IQCE: variants seen among roughly 807,000 people sequenced by gnomAD.
IQCE encodes IQ motif containing E.
IQCE carries 115 observed loss-of-function variants against 96.0 expected under a neutral mutation model. The observed-to-expected ratio is 1.20, with a 90% confidence interval of 1.03 to 1.40. The LOEUF (loss-of-function observed/expected upper bound fraction) is 1.40. IQCE is among the 40% of genes most tolerant of loss of function. The pLI is 0.00. For synonymous variants in IQCE, 412 were observed against 371.2 expected (o/e 1.11, Z -1.26); for missense variants, 1,041 against 909.1 (o/e 1.15, Z -1.87).
intron 14 of IQCE, among the ~76,000 whole-genome samples, chr7:2,590,341 G>T (rs371346004): frequency 6.6e-6 from 1 of 152,268 alleles, no homozygotes; most frequent in African/African-American, 2.4e-5. Context: ...TATGGAAACT[G>T]ATTGTTGCCG....
At chr7:2,603,603 T>C (rs1784587552) in intron 18 of IQCE, among the ~76,000 whole-genome samples, 1 of 152,214 alleles carries the variant, frequency 6.6e-6, no homozygotes, top group Admixed American at 6.5e-5. Context: ...GTGACGGAGA[T>C]GCGTGCCCCT....
At chr7:2,565,097 CGTGTGT>C (rs200266385) in intron 1 of IQCE, among the ~76,000 whole-genome samples, 1 of 148,010 alleles carries the variant, frequency 6.8e-6, no homozygotes, top group Non-Finnish European at 1.5e-5. Context: ...CGTGTGTGTG[CGTGTGT>C]GTGTGTGAGT....
At chr7:2,581,657 A>G (rs1488262315) in intron 8 of IQCE, among the ~76,000 whole-genome samples, 1 of 152,214 alleles carries the variant, frequency 6.6e-6, no homozygotes, top group East Asian at 1.9e-4. Context: ...TCTGGGCAAC[A>G]TAGTGAAACC....
In IQCE at chr7:2,587,882, G is replaced by A; in HGVS notation, c.1044+5G>A. ...CGCATTGTGGAGCTGGAGAAGGTGA[G>A]CGGGCGTCTCAGTGCCACTGTCGTT... On this transcript the variant is annotated splice_donor_5th_base_variant and intron_variant, in intron 13 of 21. Coordinates refer to ENST00000402050, the MANE Select transcript of IQCE (RefSeq NM_152558.5). The A allele has an allele frequency of 1.9e-6, 3 of 1,613,970 alleles. No homozygotes were observed. The highest frequency in any genetic ancestry group is 1.7e-6 in the Non-Finnish European group (2 of 1,179,880).
chr7:2,613,310 C>T lies in IQCE; in HGVS notation c.*3148C>T, dbSNP rs1785178726. 1 of 152,342 alleles carries T rather than the reference C, an allele frequency of 6.6e-6. No individual in the cohort carries two copies. The highest frequency in any genetic ancestry group is 1.5e-5 in the Non-Finnish European group (1 of 68,166). The allele number at this position is 152,342 out of a possible 1,614,324, so 9.4% of individuals were successfully genotyped here. On this transcript the variant is annotated 3_prime_UTR_variant, in exon 22 of 22. Coordinates refer to ENST00000402050, the MANE Select transcript of IQCE (RefSeq NM_152558.5). Reference sequence around the variant, plus strand: ...GTGCTCTCCCCTAGAGGCCTGTCCCCAACTCCTCCCCTAGAGGCCTATTCC... The same window carrying T: ...GTGCTCTCCCCTAGAGGCCTGTCCCTAACTCCTCCCCTAGAGGCCTATTCC...
At chr7:2,577,878 T>C (rs12700086) in intron 6 of IQCE, among the ~76,000 whole-genome samples, 6,010 of 32,090 alleles carry the variant, frequency 0.19, 1,772 homozygotes, top group Non-Finnish European at 0.25. Flanking sequence ...CGGGGACGTG[T>C]GTGCGGCGTG....
chr7:2,604,828 G>T (rs540087894), intron 18 of IQCE, 53 bp from the exon 19 acceptor site: 18 of 1,373,594 alleles, frequency 1.3e-5, no homozygotes, highest in Admixed American at 7.0e-5. Context: ...CTCGCCCGCC[G>T]TTGCCCCGGG....
At chr7:2,605,029 C>A in intron 19 of IQCE, 38 bp downstream of exon 19, 2 of 1,408,524 alleles carry the variant, frequency 1.4e-6, no homozygotes, top group Non-Finnish European at 2.0e-6. Flanking sequence ...TGGCCATCTG[C>A]AGAGCTGCTC....
At position 2,606,000 on chromosome 7, in the gene IQCE, G is replaced by A. The variant is rs375468886; in HGVS notation, c.1865+3G>A. On this transcript the variant is annotated splice_donor_region_variant and intron_variant, in intron 20 of 21. Coordinates refer to ENST00000402050, the MANE Select transcript of IQCE (RefSeq NM_152558.5). ...CACCTGGCCCGGGCCAGGCACAGGTGAGTCAGGGTCACGGGGACGTGGGAC... is the reference window on the plus strand; with the variant it reads ...CACCTGGCCCGGGCCAGGCACAGGTAAGTCAGGGTCACGGGGACGTGGGAC... The A allele has an allele frequency of 5.0e-6, 8 of 1,606,476 alleles. No individual in the cohort carries two copies. The highest frequency in any genetic ancestry group is 6.8e-6 in the Non-Finnish European group (8 of 1,177,456).
Position 2,610,194 on chromosome 7 carries a change from A to T in IQCE, c.*32A>T. 1 of 1,259,290 alleles carries T rather than the reference A, an allele frequency of 7.9e-7. No individual in the cohort carries two copies. Among genetic ancestry groups the T allele is most frequent in the Non-Finnish European group, 1.2e-6 (1 of 855,498 alleles). 78.0% of individuals were successfully genotyped at this position (1,259,290 alleles called of 1,614,324 possible). ...GTCACTGTCTCCACGCCGTGATGGC[A>T]GCGCTGCCGAGGACATAGGAACCAC... is the stretch of plus-strand genomic sequence containing the variant. On this transcript the variant is annotated 3_prime_UTR_variant, in exon 22 of 22. Coordinates refer to ENST00000402050, the MANE Select transcript of IQCE (RefSeq NM_152558.5).
Position 2,610,028 on chromosome 7 carries a change from T to G in IQCE, c.1970-16T>G. 1.4e-6 allele frequency: 2 copies of G among 1,408,392 alleles called. No individual in the cohort carries two copies. The highest frequency in any genetic ancestry group is 2.0e-6 in the Non-Finnish European group (2 of 992,314). The allele number at this position is 1,408,392 out of a possible 1,614,324, so 87.2% of individuals were successfully genotyped here. A position where few individuals can be genotyped will look rare whatever the true frequency, so the allele number is the denominator to read the frequency against. ...TCAGCGTGGCTGACCCCTCTCCCTGTGGTTCATTTCTGCAGACCCCTCTCC... is the reference window on the plus strand; with the variant it reads ...TCAGCGTGGCTGACCCCTCTCCCTGGGGTTCATTTCTGCAGACCCCTCTCC... On this transcript the variant is annotated splice_polypyrimidine_tract_variant and intron_variant, in intron 21 of 21. Coordinates refer to ENST00000402050, the MANE Select transcript of IQCE (RefSeq NM_152558.5).
intron 14 of IQCE, among the ~76,000 whole-genome samples, chr7:2,590,936 C>G (rs901014771): frequency 1.6e-4 from 25 of 151,984 alleles, no homozygotes; most frequent in African/African-American, 6.0e-4. Context: ...GGGATATGAT[C>G]TATTAATACG....
intron 21 of IQCE, 69 bp from the exon 22 acceptor site, chr7:2,609,975 A>G: frequency 1.2e-6 from 1 of 855,738 alleles, no homozygotes; most frequent in Non-Finnish European, 2.0e-6. Context: ...AGACAGTGTA[A>G]GGGTGTCCGT....
intron 15 of IQCE, 61 bp from the exon 16 acceptor site, chr7:2,594,825 G>A (rs1783895668): frequency 8.0e-7 from 1 of 1,250,068 alleles, no homozygotes; most frequent in Non-Finnish European, 1.2e-6. Flanking sequence ...ACCCTGCCCT[G>A]TGCCGGCCTT....
intron 14 of IQCE, among the ~76,000 whole-genome samples, chr7:2,591,610 C>CGG (rs1783592217): frequency 1.4e-5 from 2 of 147,652 alleles, no homozygotes; most frequent in South Asian, 4.3e-4. Context: ...GTGGGATCTG[C>CGG]GGGTGATTTT....
chr7:2,594,569 T>G lies in IQCE; in HGVS notation c.1350-317T>G, dbSNP rs1783872241. Reference sequence around the variant, plus strand: ...GGCCTGGCCTCCTACTTACTTATCATTCACACAACGGATTCTTTTTTTAGT... The same window carrying G: ...GGCCTGGCCTCCTACTTACTTATCAGTCACACAACGGATTCTTTTTTTAGT... On this transcript the variant is annotated intron_variant, in intron 15 of 21. Coordinates refer to ENST00000402050, the MANE Select transcript of IQCE (RefSeq NM_152558.5). Among the ~76,000 whole-genome samples the G allele has an allele frequency of 2.0e-5, 3 of 152,362 alleles. No homozygotes were observed. In the South Asian group the frequency reaches 6.2e-4, roughly 32 times the overall value.
chr7:2,559,728 C>T (rs1321050845), intron 1 of IQCE, among the ~76,000 whole-genome samples: 2 of 116,906 alleles, frequency 1.7e-5, no homozygotes, highest in Non-Finnish European at 3.2e-5. Flanking sequence ...TAAATATCTA[C>T]TGTGTGTTAG....
Position 2,571,509 on chromosome 7 carries a change from C to T in IQCE, c.131-17C>T, listed in dbSNP as rs570582847. 6.0e-5 allele frequency: 96 copies of T among 1,605,428 alleles called. 2 individuals carry two copies. In the East Asian group the frequency reaches 1.7e-3, roughly 28 times the overall value. On this transcript the variant is annotated splice_polypyrimidine_tract_variant and intron_variant, in intron 3 of 21. Coordinates refer to ENST00000402050, the MANE Select transcript of IQCE (RefSeq NM_152558.5). ...TTGCTGTCCGGCACCTCTGAATCCA[C>T]GTGTTGGCTTTTCCAGAGTCACCTT...
chr7:2,578,425 G>T, intron 7 of IQCE, 51 bp from the exon 8 acceptor site: 9 of 1,593,410 alleles, frequency 5.6e-6, no homozygotes, highest in Non-Finnish European at 7.7e-6. Context: ...AGCCAGCCCT[G>T]CTGGGGGCTA....
Sources: allele counts gnomAD v4.1 joint callset (sites outside exome capture counted in the v4.1 genomes callset), GRCh38; gene constraint gnomAD v4.1.1; transcripts MANE v1.5; gene names NCBI Gene and HGNC (gene_info 2026-07-23, HGNC 2026-07-21).